Variants in SORBS2 observed in about 807,000 individuals in gnomAD.
SORBS2 encodes the protein sorbin and SH3 domain containing 2.
In SORBS2, 46 loss-of-function variants were observed where a neutral mutation model predicts 97.7. That is an observed-to-expected ratio of 0.47 (90% CI 0.37 to 0.60). The LOEUF (loss-of-function observed/expected upper bound fraction) is 0.60, where lower values mean the gene tolerates loss of function less well. SORBS2 is among the 20% of genes least tolerant of loss of function. The pLI, the probability that SORBS2 is intolerant of heterozygous loss-of-function variation, is 0.00. For missense variants in SORBS2, 1,316 were observed against 1,282.3 expected (o/e 1.03, Z -0.40); for synonymous variants, 476 against 473.4 (o/e 1.01, Z -0.07).
intron 1 of SORBS2, among the ~76,000 whole-genome samples, chr4:185,948,581 A>G (rs568890134): frequency 1.4e-5 from 2 of 140,492 alleles, no homozygotes; most frequent in Admixed American, 1.6e-4. Flanking sequence ...GCAGTGGCAC[A>G]GTCTTGGCTT....
chr4:185,643,118 G>A (rs1205068117), intron 4 of SORBS2, among the ~76,000 whole-genome samples: 1 of 152,220 alleles, frequency 6.6e-6, no homozygotes, highest in African/African-American at 2.4e-5. Flanking sequence ...AAGATCTCAT[G>A]AGGAACACAG....
intron 1 of SORBS2, among the ~76,000 whole-genome samples, chr4:185,800,079 A>C (rs141833235): frequency 6.6e-6 from 1 of 152,160 alleles, no homozygotes; most frequent in Non-Finnish European, 1.5e-5. Flanking sequence ...CTGTAATCCT[A>C]GCTGCTCAGG....
At chr4:185,846,694 G>A (rs1314878375) in intron 1 of SORBS2, among the ~76,000 whole-genome samples, 1 of 152,198 alleles carries the variant, frequency 6.6e-6, no homozygotes, top group East Asian at 1.9e-4. Context: ...ATTCAATGAG[G>A]TAGAAAGCAA....
chr4:185,947,100 T>C (rs1237781200), intron 1 of SORBS2, among the ~76,000 whole-genome samples: 1 of 152,260 alleles, frequency 6.6e-6, no homozygotes, highest in East Asian at 1.9e-4. Context: ...TTCATGGCCC[T>C]GGCATTTATA....
chr4:185,611,720 C>A, intron 12 of SORBS2, 60 bp downstream of exon 24: 1 of 1,323,842 alleles, frequency 7.6e-7, no homozygotes. Context: ...TAAAGTCACA[C>A]ACCGATTATC....
At chr4:185,718,160 G>A (rs1381484086) in intron 2 of SORBS2, among the ~76,000 whole-genome samples, 1 of 152,088 alleles carries the variant, frequency 6.6e-6, no homozygotes, top group Admixed American at 6.5e-5. Flanking sequence ...GAGCCTGGGA[G>A]ACAGGCGCTG....
intron 1 of SORBS2, among the ~76,000 whole-genome samples, chr4:185,836,886 G>A (rs556403482): frequency 6.6e-6 from 1 of 152,314 alleles, no homozygotes; most frequent in African/African-American, 2.4e-5. Flanking sequence ...CTGTGATCTA[G>A]GGAGAGTCAC....
intron 2 of SORBS2, among the ~76,000 whole-genome samples, chr4:185,741,051 A>G (rs968435381): frequency 2.0e-5 from 3 of 152,294 alleles, no homozygotes; most frequent in Middle Eastern, 3.4e-3. Context: ...TCAGCCTAGC[A>G]TGCACTGATT....
chr4:185,719,051 A>G (rs535259919), intron 2 of SORBS2, among the ~76,000 whole-genome samples: 4 of 150,930 alleles, frequency 2.7e-5, no homozygotes, highest in East Asian at 2.0e-4. Flanking sequence ...AGCTTGCCCA[A>G]TAATTCTAAA....
chr4:185,727,267 A>G (rs1386777208), intron 2 of SORBS2, among the ~76,000 whole-genome samples: 1 of 152,232 alleles, frequency 6.6e-6, no homozygotes, highest in African/African-American at 2.4e-5. Context: ...AGGATTGTCC[A>G]CGTTTGTATT....
At chr4:185,723,938 G>A (rs2098536530) in intron 2 of SORBS2, among the ~76,000 whole-genome samples, 1 of 152,174 alleles carries the variant, frequency 6.6e-6, no homozygotes, top group Admixed American at 6.5e-5. Flanking sequence ...GGTGTGCCAT[G>A]TACATTAAGA....
At chr4:185,941,701 T>C (rs1307486846) in intron 1 of SORBS2, among the ~76,000 whole-genome samples, 1 of 152,186 alleles carries the variant, frequency 6.6e-6, no homozygotes, top group South Asian at 2.1e-4. Flanking sequence ...CACCCATTTC[T>C]CCAGCCCCGC....
At chr4:185,697,734 G>A (rs531773113) in intron 2 of SORBS2, among the ~76,000 whole-genome samples, 29 of 152,126 alleles carry the variant, frequency 1.9e-4, no homozygotes, top group Non-Finnish European at 2.8e-4. Flanking sequence ...CATCCTGATG[G>A]CAGCCTACTC....
At chr4:185,871,605 A>G (rs2149743126) in intron 1 of SORBS2, among the ~76,000 whole-genome samples, 1 of 152,382 alleles carries the variant, frequency 6.6e-6, no homozygotes, top group Middle Eastern at 3.4e-3. Context: ...GAGGTTTTGC[A>G]GTTCTTCCTT....
chr4:185,882,387 TAA>T (rs1003658621), intron 1 of SORBS2, among the ~76,000 whole-genome samples: 42 of 152,104 alleles, frequency 2.8e-4, no homozygotes, highest in Admixed American at 3.9e-4. Context: ...ACAAAATATG[TAA>T]AGATTTTTAT....
chr4:185,849,244 C>T (rs2099216392), intron 1 of SORBS2, among the ~76,000 whole-genome samples: 1 of 152,092 alleles, frequency 6.6e-6, no homozygotes, highest in Non-Finnish European at 1.5e-5. Flanking sequence ...ACCCTGTTGC[C>T]ATTCTAGAGA....
intron 2 of SORBS2, among the ~76,000 whole-genome samples, chr4:185,764,461 A>G (rs958143548): frequency 6.6e-6 from 1 of 152,232 alleles, no homozygotes; most frequent in African/African-American, 2.4e-5. Context: ...TAAGTTTACA[A>G]AAGATGTTTG....
At chr4:185,927,718 T>C (rs1279742820) in intron 1 of SORBS2, among the ~76,000 whole-genome samples, 1 of 152,224 alleles carries the variant, frequency 6.6e-6, no homozygotes, top group Admixed American at 6.5e-5. Flanking sequence ...TAAGTTTATA[T>C]GTCATTTCTA....
intron 1 of SORBS2, among the ~76,000 whole-genome samples, chr4:185,904,846 T>G (rs985131854): frequency 6.6e-6 from 1 of 152,180 alleles, no homozygotes; most frequent in Non-Finnish European, 1.5e-5. Flanking sequence ...GGCTCATGCC[T>G]GTAATCCCAG....
Sources: allele counts gnomAD v4.1 joint callset (sites outside exome capture counted in the v4.1 genomes callset), GRCh38; gene constraint gnomAD v4.1.1; transcripts MANE v1.5; gene names NCBI Gene and HGNC (gene_info 2026-07-23, HGNC 2026-07-21).